Variants in NKAIN2 observed in about 807,000 individuals in gnomAD.
The protein encoded by NKAIN2 is sodium/potassium-transporting ATPase subunit beta-1-interacting protein 2.
NKAIN2 carries 14 observed loss-of-function variants against 32.6 expected under a neutral mutation model. The observed-to-expected ratio is 0.43, with a 90% CI of 0.28 to 0.67. The LOEUF (loss-of-function observed/expected upper bound fraction) is 0.67, where lower values mean the gene tolerates loss of function less well. Among genes scored for constraint, NKAIN2 ranks in the 30% least tolerant of loss-of-function variants. The probability of loss-of-function intolerance (pLI) is 0.17; values close to 1 mark genes in which losing one functional copy is unlikely to be tolerated. For synonymous variants in NKAIN2, 80 were observed against 87.2 expected, an observed-to-expected ratio of 0.92 and a Z score of 0.46; for missense variants, 198 against 258.3, an observed-to-expected ratio of 0.77 and a Z score of 1.60.
intron 3 of NKAIN2, among the ~76,000 whole-genome samples, chr6:124,361,905 A>C (rs1799306352): frequency 6.6e-6 from 1 of 152,148 alleles, no homozygotes; most frequent in African/African-American, 2.4e-5. Context: ...TCATTTAGAA[A>C]GATATCAGAT....
intron 3 of NKAIN2, among the ~76,000 whole-genome samples, chr6:124,505,610 A>ACTTTTCT (rs2114758895): frequency 6.6e-6 from 1 of 152,326 alleles, no homozygotes; most frequent in East Asian, 1.9e-4. Context: ...TCCAGCTGGT[A>ACTTTTCT]AATGATCTGC....
intron 1 of NKAIN2, among the ~76,000 whole-genome samples, chr6:123,930,989 ATAAC>A (rs932389088): frequency 2.0e-5 from 3 of 152,136 alleles, no homozygotes; most frequent in Admixed American, 2.0e-4. Flanking sequence ...GCTCTTAAAA[ATAAC>A]TAACTGTGTT....
chr6:124,272,701 A>G (rs1794849082), intron 1 of NKAIN2, among the ~76,000 whole-genome samples: 1 of 152,148 alleles, frequency 6.6e-6, no homozygotes, highest in South Asian at 2.1e-4. Flanking sequence ...AGCTTGCACC[A>G]TGCACCTGGA....
chr6:123,826,974 G>A (rs969536560), intron 1 of NKAIN2, among the ~76,000 whole-genome samples: 1 of 151,954 alleles, frequency 6.6e-6, no homozygotes, highest in Non-Finnish European at 1.5e-5. Flanking sequence ...GTGCATAAGG[G>A]TTTCAGTTCC....
At chr6:124,204,657 T>A (rs933677869) in intron 1 of NKAIN2, among the ~76,000 whole-genome samples, 1 of 151,736 alleles carries the variant, frequency 6.6e-6, no homozygotes, top group Non-Finnish European at 1.5e-5. Flanking sequence ...AGAAGTATAT[T>A]TTAATATAAG....
At chr6:124,785,640 G>T (rs1327578466) in intron 4 of NKAIN2, among the ~76,000 whole-genome samples, 2 of 152,126 alleles carry the variant, frequency 1.3e-5, no homozygotes, top group Non-Finnish European at 2.9e-5. Context: ...GAGACTTAAG[G>T]TGGGAAGGGC....
intron 4 of NKAIN2, among the ~76,000 whole-genome samples, chr6:124,674,994 C>A (rs1021779999): frequency 3.3e-5 from 5 of 151,922 alleles, no homozygotes; most frequent in African/African-American, 1.2e-4. Context: ...TGTGAGTGAG[C>A]TTTTCATATA....
At chr6:124,415,878 C>CTTTTTTTTTTTTTTTTTT in intron 3 of NKAIN2, among the ~76,000 whole-genome samples, 23 of 72,606 alleles carry the variant, frequency 3.2e-4, no homozygotes, top group African/African-American at 9.5e-4. Context: ...TTTTTATTTG[C>CTTTTTTTTTTTTTTTTTT]TTTTTTTTTT....
chr6:124,261,539 A>G (rs1794247046), intron 1 of NKAIN2, among the ~76,000 whole-genome samples: 1 of 152,172 alleles, frequency 6.6e-6, no homozygotes. Flanking sequence ...AATGGAAAAC[A>G]TTCTACCACA....
chr6:123,999,082 T>C (rs923983060), intron 1 of NKAIN2, among the ~76,000 whole-genome samples: 2 of 152,044 alleles, frequency 1.3e-5, no homozygotes, highest in Non-Finnish European at 2.9e-5. Flanking sequence ...GCTATTTACA[T>C]GCATAGAAAT....
intron 1 of NKAIN2, among the ~76,000 whole-genome samples, chr6:123,888,664 T>C (rs1773851700): frequency 6.6e-6 from 1 of 152,148 alleles, no homozygotes; most frequent in African/African-American, 2.4e-5. Context: ...GTTCGCATTT[T>C]TTTAAAAAGC....
At chr6:124,056,136 C>A (rs546550949) in intron 1 of NKAIN2, among the ~76,000 whole-genome samples, 1 of 152,036 alleles carries the variant, frequency 6.6e-6, no homozygotes, top group African/African-American at 2.4e-5. Context: ...TTTGGCTGAG[C>A]AATGCAGGGT....
intron 1 of NKAIN2, among the ~76,000 whole-genome samples, chr6:124,121,186 T>C (rs1252864112): frequency 6.6e-6 from 1 of 152,098 alleles, no homozygotes; most frequent in Non-Finnish European, 1.5e-5. Context: ...TGCCATCTTG[T>C]GTATAATGTT....
At chr6:124,464,935 T>C (rs1009561061) in intron 3 of NKAIN2, among the ~76,000 whole-genome samples, 26 of 152,086 alleles carry the variant, frequency 1.7e-4, no homozygotes, top group African/African-American at 6.3e-4. Context: ...GGGGATAGCA[T>C]TGAATCTATA....
At chr6:123,909,342 G>A (rs954135677) in intron 1 of NKAIN2, among the ~76,000 whole-genome samples, 1 of 152,116 alleles carries the variant, frequency 6.6e-6, no homozygotes, top group Non-Finnish European at 1.5e-5. Flanking sequence ...TAAAATTCAA[G>A]TCACGTCTTG....
Position 124,223,212 on chromosome 6 carries a change from CAAAAAAAAAAA to C in NKAIN2, c.55-59777_55-59767del, listed in dbSNP as rs369262954. On this transcript the variant is annotated intron_variant, in intron 1 of 6. Transcript: ENST00000368417. Reference sequence around the variant, plus strand: ...TGGGCGACAGTGTGAGACTCCATCTCAAAAAAAAAAAAAAAAAAAAAAAAAAGTGGAAGAGA... The same window carrying C: ...TGGGCGACAGTGTGAGACTCCATCTCAAAAAAAAAAAAAAAGTGGAAGAGA... Among the ~76,000 whole-genome samples the C allele has an allele frequency of 1.3e-4, 9 of 68,220 alleles. No homozygotes were observed. The East Asian group carries it at 2.3e-3, about 17-fold the overall frequency. 44.8% of individuals were successfully genotyped at this position (68,220 alleles called of 152,430 possible).
intron 1 of NKAIN2, among the ~76,000 whole-genome samples, chr6:123,914,229 C>G (rs966189528): frequency 2.8e-5 from 3 of 106,340 alleles, no homozygotes; most frequent in African/African-American, 8.7e-5. Flanking sequence ...GAGAGAGAGA[C>G]AGACAGACAG....
chr6:124,466,526 C>T (rs1199833382), intron 3 of NKAIN2, among the ~76,000 whole-genome samples: 1 of 151,948 alleles, frequency 6.6e-6, no homozygotes, highest in African/African-American at 2.4e-5. Flanking sequence ...TCTATTAGTA[C>T]TGCTCATCCA....
intron 1 of NKAIN2, among the ~76,000 whole-genome samples, chr6:124,084,348 T>C (rs1784102784): frequency 6.6e-6 from 1 of 151,982 alleles, no homozygotes; most frequent in Non-Finnish European, 1.5e-5. Flanking sequence ...TGTTTAGATA[T>C]GGCTTGCCAT....
Sources: allele counts gnomAD v4.1 joint callset (sites outside exome capture counted in the v4.1 genomes callset), GRCh38; gene constraint gnomAD v4.1.1; transcripts MANE v1.5; gene names NCBI Gene and HGNC (gene_info 2026-07-23, HGNC 2026-07-21).